VPS13D: variants seen among roughly 807,000 people sequenced by gnomAD.
The protein encoded by VPS13D is vacuolar protein sorting 13 homolog D.
Under a neutral mutation model 461.9 loss-of-function variants are expected in VPS13D, and 187 were observed. The ratio of observed to expected loss-of-function variants is 0.40; its 90% confidence interval spans 0.36 to 0.46. The LOEUF (loss-of-function observed/expected upper bound fraction) is 0.46. Ranked by LOEUF, VPS13D falls within the 20% of genes least tolerant of loss-of-function variation. VPS13D has a pLI of 0.60. For missense variants in VPS13D, 4,711 were observed against 5,364.9 expected (o/e 0.88, Z 3.81); for synonymous variants, 1,951 against 1,986.3 (o/e 0.98, Z 0.47).
chr1:12,299,303 T>A lies in VPS13D; in HGVS notation c.6135T>A (p.Ile2045=). The A allele has an allele frequency of 3.1e-6, 5 of 1,613,942 alleles. No homozygotes were observed. In the Middle Eastern group the frequency reaches 5.0e-4, roughly 160 times the overall value. The part of the protein sequence containing the change: ...IPESSRSNNL[I]VANLGKLKVK... Reference sequence around the variant, plus strand: ...AAAGTTCCAGATCAAATAATCTGATTGTAGCAAATTTGGGGAAGTTGAAAG... The same window carrying A: ...AAAGTTCCAGATCAAATAATCTGATAGTAGCAAATTTGGGGAAGTTGAAAG... Residue 2045 remains isoleucine (I), a synonymous_variant, in exon 25 of 70, where the codon ATT becomes ATA. Coordinates refer to ENST00000620676, the MANE Select transcript of VPS13D (RefSeq NM_015378.4). The surrounding 1 kb of genome is among the most constrained non-coding windows in gnomAD (Gnocchi z 4.2).
intron 16 of VPS13D, 40 bp from the exon 17 acceptor site, chr1:12,270,954 G>T: frequency 1.9e-6 from 3 of 1,604,904 alleles, no homozygotes; most frequent in Non-Finnish European, 2.6e-6. Context: ...ACCCAGCCGT[G>T]TGAAAATTCT....
chr1:12,235,467 C>T (rs1181266242), intron 2 of VPS13D, among the ~76,000 whole-genome samples: 3 of 152,016 alleles, frequency 2.0e-5, no homozygotes, highest in East Asian at 1.9e-4. Context: ...TCCCACTACT[C>T]GGGAGGCTGA....
Position 12,373,835 on chromosome 1 carries a change from C to CA in VPS13D, c.10897dup (p.Arg3633LysfsTer27). On this transcript the variant is annotated frameshift_variant, in exon 55 of 70. Transcript: ENST00000620676. LOFTEE classifies it high-confidence loss of function. ...CGTTTTGGATGTCTCACCCAAGACA[C>CA]AAAGAGTCATTTTAAAAAAGAAGGT... is the stretch of plus-strand genomic sequence containing the variant. 6.2e-7 allele frequency: 1 copy of CA among 1,607,336 alleles called. No individual in the cohort carries two copies. Among genetic ancestry groups the CA allele is most frequent in the East Asian group, 2.3e-5 (1 of 44,028 alleles).
rs775717021 is a variant in VPS13D at position 12,249,260 on chromosome 1, G to T, written c.485G>T (p.Gly162Val). 1 of 1,613,714 alleles carries T rather than the reference G, an allele frequency of 6.2e-7. No homozygotes were observed. Among genetic ancestry groups the T allele is most frequent in the East Asian group, 2.2e-5 (1 of 44,858 alleles). Reference sequence around the variant, plus strand: ...GATGTCCATTTACGCTTTGAAGATGGTGTCACCAATCCCTCCCATCCTTTT... The same window carrying T: ...GATGTCCATTTACGCTTTGAAGATGTTGTCACCAATCCCTCCCATCCTTTT... ...IQDVHLRFED[G>V]VTNPSHPFAF... is the part of the protein sequence containing the mutation. The change falls in exon 6 of 70, where the codon GGT (glycine) becomes GTT (valine). Residue 162 changes from glycine to valine, a missense_variant. Transcript: ENST00000620676.
chr1:12,321,984 G>A lies in VPS13D; in HGVS notation c.7704+20G>A. 2 of 1,612,536 alleles carry A rather than the reference G, an allele frequency of 1.2e-6. No homozygotes were observed. The highest frequency in any genetic ancestry group is 2.2e-5 in the East Asian group (1 of 44,774). ...CTGGAGGTAATGATGCAAAATCTGT[G>A]CAATACGTTGATATGCTCTCAAACA... is the stretch of plus-strand genomic sequence containing the variant. On this transcript the variant is annotated intron_variant, in intron 33 of 69. Coordinates refer to ENST00000620676, the MANE Select transcript of VPS13D (RefSeq NM_015378.4).
At chr1:12,411,902 G>A (rs778283072) in intron 63 of VPS13D, among the ~76,000 whole-genome samples, 1 of 152,214 alleles carries the variant, frequency 6.6e-6, no homozygotes, top group Non-Finnish European at 1.5e-5. Flanking sequence ...CATCAAAACA[G>A]GCAGTGCAGA....
At chr1:12,240,283 G>A (rs530587323) in intron 2 of VPS13D, among the ~76,000 whole-genome samples, 46 of 152,168 alleles carry the variant, frequency 3.0e-4, no homozygotes, top group African/African-American at 1.1e-3. Flanking sequence ...CTTTGTGACA[G>A]ATTTGGGTAT....
intron 17 of VPS13D, among the ~76,000 whole-genome samples, chr1:12,271,600 C>T (rs932577893): frequency 6.6e-6 from 1 of 151,712 alleles, no homozygotes; most frequent in Non-Finnish European, 1.5e-5. Flanking sequence ...ACCTGGGAGG[C>T]GGAGGTTGCA....
At chr1:12,243,388 C>T (rs1330760014) in intron 3 of VPS13D, among the ~76,000 whole-genome samples, 1 of 152,198 alleles carries the variant, frequency 6.6e-6, no homozygotes, top group Non-Finnish European at 1.5e-5. Flanking sequence ...CCTCAGCTTC[C>T]CCAGCTATTA....
Position 12,249,152 on chromosome 1 carries a change from TTTC to T in VPS13D, c.448-68_448-66del, listed in dbSNP as rs1260336522. 4 of 1,296,928 alleles carry T rather than the reference TTTC, an allele frequency of 3.1e-6. No homozygotes were observed. The African/African-American group carries it at 6.0e-5, about 19-fold the overall frequency. The allele number at this position is 1,296,928 out of a possible 1,614,324, so 80.3% of individuals were successfully genotyped here. On this transcript the variant is annotated intron_variant, in intron 5 of 69. Coordinates refer to ENST00000620676, the MANE Select transcript of VPS13D (RefSeq NM_015378.4). ...ACCTACAGCAGTTATCTAAATGCTTTTTCTTTTTTCTTTTCTTTGGAACACTAT... is the reference window on the plus strand; with the variant it reads ...ACCTACAGCAGTTATCTAAATGCTTTTTTTTTCTTTTCTTTGGAACACTAT...
At chr1:12,243,897 A>T (rs1016422584) in intron 3 of VPS13D, among the ~76,000 whole-genome samples, 1 of 152,216 alleles carries the variant, frequency 6.6e-6, no homozygotes, top group African/African-American at 2.4e-5. Flanking sequence ...AAATGAGTTT[A>T]GTGTCCATGG....
chr1:12,439,318 C>G (rs183007052), intron 65 of VPS13D, among the ~76,000 whole-genome samples: 2 of 152,238 alleles, frequency 1.3e-5, no homozygotes, highest in East Asian at 3.9e-4. Context: ...ACGTCCACTC[C>G]AAGGTCTCTG....
At chr1:12,316,369 T>A (rs1642887405) in intron 30 of VPS13D, among the ~76,000 whole-genome samples, 1 of 152,226 alleles carries the variant, frequency 6.6e-6, no homozygotes, top group Non-Finnish European at 1.5e-5. Flanking sequence ...GAAGAAGAAT[T>A]ACTCTTCTGT....
At chr1:12,272,846 C>T (rs1641493025) in intron 17 of VPS13D, among the ~76,000 whole-genome samples, 157 bp from the exon 18 acceptor site, 1 of 152,160 alleles carries the variant, frequency 6.6e-6, no homozygotes, top group East Asian at 1.9e-4. Flanking sequence ...GATCCTCAAG[C>T]ATTTACATCT....
chr1:12,364,672 A>T lies in VPS13D; in HGVS notation c.10448+1425A>T, dbSNP rs1431564209. Among the ~76,000 whole-genome samples the T allele has an allele frequency of 2.0e-5, 3 of 152,286 alleles. No individual in the cohort carries two copies. The East Asian group carries it at 5.8e-4, about 29-fold the overall frequency. On this transcript the variant is annotated intron_variant, in intron 52 of 69. Coordinates refer to ENST00000620676, the MANE Select transcript of VPS13D (RefSeq NM_015378.4). ...TTCTTTGTTTTTGACACAAGCCTTAAGTGATAGTCCCGCCTCTGTATAATG... is the reference window on the plus strand; with the variant it reads ...TTCTTTGTTTTTGACACAAGCCTTATGTGATAGTCCCGCCTCTGTATAATG...
At chr1:12,486,366 G>C (rs182978610) in intron 67 of VPS13D, among the ~76,000 whole-genome samples, 1 of 152,358 alleles carries the variant, frequency 6.6e-6, no homozygotes, top group African/African-American at 2.4e-5. Flanking sequence ...AATGAGAGCC[G>C]TGTTGTAAAA....
intron 65 of VPS13D, among the ~76,000 whole-genome samples, chr1:12,437,122 A>C (rs1338059733): frequency 6.6e-6 from 1 of 152,170 alleles, no homozygotes; most frequent in African/African-American, 2.4e-5. Flanking sequence ...AATTAGAGCT[A>C]AAACCAAACC....
intron 65 of VPS13D, among the ~76,000 whole-genome samples, chr1:12,433,265 A>C (rs574550656): frequency 6.7e-6 from 1 of 149,306 alleles, no homozygotes; most frequent in Non-Finnish European, 1.5e-5. Context: ...GGGGAAAAAA[A>C]AAAAACAAAA....
chr1:12,311,821 G>T lies in VPS13D; in HGVS notation c.6831G>T (p.Leu2277=). 6.2e-7 allele frequency: 1 copy of T among 1,614,026 alleles called. No homozygotes were observed. The highest frequency in any genetic ancestry group is 1.3e-5 in the African/African-American group (1 of 75,034). ...GCATTTTCCTTTTGTAGACTGTCCT[G>T]AGTGGAGAAGTGTACACCTGTATGT... ...DLQDPRIHTV[L]SGEVYTCMCF... The change falls in exon 29 of 70, where the codon CTG becomes CTT. Residue 2277 remains leucine (L), a synonymous_variant. Coordinates refer to ENST00000620676, the MANE Select transcript of VPS13D (RefSeq NM_015378.4).
Sources: allele counts gnomAD v4.1 joint callset (sites outside exome capture counted in the v4.1 genomes callset), GRCh38; gene constraint gnomAD v4.1.1; non-coding constraint Gnocchi (gnomAD v3.1); transcripts MANE v1.5; gene names NCBI Gene and HGNC (gene_info 2026-07-23, HGNC 2026-07-21).